The following SLC7A10 variants were observed in gnomAD, a reference collection of about 807,000 sequenced individuals.
SLC7A10 encodes solute carrier family 7 member 10.
In SLC7A10, 30 loss-of-function variants were observed where a neutral mutation model predicts 52.7. The observed-to-expected ratio is 0.57, with a 90% confidence interval of 0.43 to 0.77. SLC7A10 has a LOEUF of 0.77. SLC7A10 is among the 30% of genes least tolerant of loss of function. SLC7A10 has a pLI of 0.00. For synonymous variants in SLC7A10, 318 were observed against 314.9 expected (o/e 1.01, Z -0.10); for missense variants, 581 against 698.5 (o/e 0.83, Z 1.90).
intron 1 of SLC7A10, among the ~76,000 whole-genome samples, chr19:33,217,245 T>C (rs1974707306): frequency 6.6e-6 from 1 of 150,526 alleles, no homozygotes; most frequent in African/African-American, 2.4e-5. Context: ...ACTCCTGGGC[T>C]CAATTGACCA....
At chr19:33,218,088 G>A (rs898380205) in intron 1 of SLC7A10, among the ~76,000 whole-genome samples, 14 of 152,166 alleles carry the variant, frequency 9.2e-5, no homozygotes, top group Non-Finnish European at 1.9e-4. Flanking sequence ...GGAAGCCAGC[G>A]GGGGCTGGGT....
chr19:33,210,984 C>T lies in SLC7A10; in HGVS notation c.1017-86G>A, dbSNP rs765875449. 3.8e-6 allele frequency: 5 copies of T among 1,329,070 alleles called. No individual in the cohort carries two copies. The South Asian group carries it at 6.0e-5, about 16-fold the overall frequency. The allele number at this position is 1,329,070 out of a possible 1,614,324, so 82.3% of individuals were successfully genotyped here. On this transcript the variant is annotated intron_variant, in intron 7 of 10. Transcript: ENST00000253188. This position sits in a 1 kb window ranked among gnomAD's most constrained non-coding sequence, Gnocchi z 5.6. ...GTCCCTCTTAAGCTGTCGCCTCTGA[C>T]CTCCTGCTCCGGGCCCAGCAGCCCC...
chr19:33,217,379 G>A (rs1974710956), intron 1 of SLC7A10, among the ~76,000 whole-genome samples: 1 of 152,198 alleles, frequency 6.6e-6, no homozygotes, highest in African/African-American at 2.4e-5. Context: ...TAGGTTCCCA[G>A]GATGAGCAAG....
chr19:33,209,211 G>A, intron 10 of SLC7A10, 97 bp downstream of exon 10: 1 of 1,557,918 alleles, frequency 6.4e-7, no homozygotes, highest in Non-Finnish European at 8.8e-7. Flanking sequence ...CACCTCAGCT[G>A]CTAGGACACC....
chr19:33,224,003 G>A (rs1248240447), intron 1 of SLC7A10, among the ~76,000 whole-genome samples: 1 of 149,178 alleles, frequency 6.7e-6, no homozygotes, highest in African/African-American at 2.5e-5. Context: ...GCCCCTTTCT[G>A]GGGAGAAAGG....
chr19:33,216,589 C>T (rs1035179705), intron 1 of SLC7A10, among the ~76,000 whole-genome samples: 1 of 152,134 alleles, frequency 6.6e-6, no homozygotes, highest in African/African-American at 2.4e-5. Context: ...CTTCCTACTT[C>T]AATTTCCTTT....
chr19:33,212,242 C>T (rs1171633820), intron 5 of SLC7A10, 50 bp downstream of exon 5: 1 of 1,563,192 alleles, frequency 6.4e-7, no homozygotes. Context: ...CTGCCTGTCC[C>T]ACCAGAGGGC....
chr19:33,223,309 G>GAAAAAAAAAAAAA (rs59600246), intron 1 of SLC7A10, among the ~76,000 whole-genome samples: 2 of 117,292 alleles, frequency 1.7e-5, no homozygotes, highest in Non-Finnish European at 3.6e-5. Context: ...CTCTGTCTCA[G>GAAAAAAAAAAAAA]AAAAAAAAAA....
At chr19:33,209,079 G>A in intron 10 of SLC7A10, 58 bp from the exon 11 acceptor site, 1 of 1,608,634 alleles carries the variant, frequency 6.2e-7, no homozygotes, top group Non-Finnish European at 8.5e-7. Context: ...GTGACCCCCA[G>A]CTCCGGACAC....
Position 33,225,757 on chromosome 19 carries a change from C to A in SLC7A10, c.-54G>T. On this transcript the variant is annotated 5_prime_UTR_variant, in exon 1 of 11. Transcript: ENST00000253188. Reference sequence around the variant, plus strand: ...TGCGCTGCCCCGTCTGTCCGGCCGGCCGCCCGTCGGTCCGTCGGTCCGTGA... The same window carrying A: ...TGCGCTGCCCCGTCTGTCCGGCCGGACGCCCGTCGGTCCGTCGGTCCGTGA... 1 of 1,448,926 alleles carries A rather than the reference C, an allele frequency of 6.9e-7. No individual in the cohort carries two copies. The highest frequency in any genetic ancestry group is 9.0e-7 in the Non-Finnish European group (1 of 1,107,412). The allele number at this position is 1,448,926 out of a possible 1,614,324, so 89.8% of individuals were successfully genotyped here. A position where few individuals can be genotyped will look rare whatever the true frequency, so the allele number is the denominator to read the frequency against.
In SLC7A10 at chr19:33,212,887, T is replaced by C; in HGVS notation, c.472A>G (p.Thr158Ala). The change falls in exon 3 of 11, where the codon ACC becomes GCC. Residue 158 changes from threonine (T) to alanine (A), a missense_variant. By Grantham distance (58) the Thr-to-Ala change is moderately conservative (BLOSUM62 0). Coordinates refer to ENST00000253188, the MANE Select transcript of SLC7A10 (RefSeq NM_019849.3). ...ATGGACAGCACCCGGGAGGCTGTGGTGGGGGGGATGCAGTTGGGGAACACG... is the reference window on the plus strand; with the variant it reads ...ATGGACAGCACCCGGGAGGCTGTGGCGGGGGGGATGCAGTTGGGGAACACG... Reference protein sequence around the residue: ...QPVFPNCIPPTTASRVLSMAC... With the variant: ...QPVFPNCIPPATASRVLSMAC... The C allele has an allele frequency of 1.9e-6, 3 of 1,613,326 alleles. No homozygotes were observed. The highest frequency in any genetic ancestry group is 2.5e-6 in the Non-Finnish European group (3 of 1,179,792).
In SLC7A10 at chr19:33,209,371, C is replaced by T. The variant is rs369452097; in HGVS notation, c.1378G>A (p.Val460Met). The change falls in exon 10 of 11, where the codon GTG becomes ATG. Residue 460 changes from valine (V) to methionine (M), a missense_variant. Val to Met is a conservative substitution (Grantham distance 21). Coordinates refer to ENST00000253188, the MANE Select transcript of SLC7A10 (RefSeq NM_019849.3). Reference sequence around the variant, plus strand: ...AACACTCCCAGAAAGAAAATGGGCACCCCCGTAAGGATGATGATGACGCCG... The same window carrying T: ...AACACTCCCAGAAAGAAAATGGGCATCCCCGTAAGGATGATGATGACGCCG... ...GVGVIIILTG[V>M]PIFFLGVFWR... The T allele has an allele frequency of 1.2e-5, 20 of 1,613,892 alleles. No homozygotes were observed. The highest frequency in any genetic ancestry group is 1.5e-5 in the Non-Finnish European group (18 of 1,180,010).
rs753642068 is a variant in SLC7A10, at chr19:33,210,475, GC to G, written c.1254del (p.Arg418SerfsTer5). 6.3e-7 allele frequency: 1 copy of G among 1,595,064 alleles called. No homozygotes were observed. The highest frequency in any genetic ancestry group is 8.5e-7 in the Non-Finnish European group (1 of 1,175,548). On this transcript the variant is annotated frameshift_variant, in exon 9 of 11. Coordinates refer to ENST00000253188, the MANE Select transcript of SLC7A10 (RefSeq NM_019849.3). LOFTEE classifies it high-confidence loss of function. The surrounding 1 kb of genome is among the most constrained non-coding windows in gnomAD (Gnocchi z 5.6). Reference sequence around the variant, plus strand: ...CTGTCCCAGGGCCTCACCTTGATGGGCCTGTGGAGTGCAGGCCGCCTCCAGC... The same window carrying G: ...CTGTCCCAGGGCCTCACCTTGATGGGCTGTGGAGTGCAGGCCGCCTCCAGC... Reference protein sequence around the residue: ...LLRWRRPALHRPIKVNLLIPV... With the variant: ...LLRWRRPALHXPIKVNLLIPV...
Position 33,208,983 on chromosome 19 carries a change from C to T in SLC7A10, c.1480G>A (p.Val494Ile), listed in dbSNP as rs1363844062. Residue 494 changes from valine to isoleucine, a missense_variant, in exon 11 of 11, where the codon GTC becomes ATC. Transcript: ENST00000253188. The surrounding 1 kb of genome is among the most constrained non-coding windows in gnomAD (Gnocchi z 4.7). ...THWGQELCFV[V>I]YPQDAPEEEE... Reference sequence around the variant, plus strand: ...TCTTCGGGGGCGTCCTGGGGGTAGACCACGAAACACAGCTCCTGGCCCCAG... The same window carrying T: ...TCTTCGGGGGCGTCCTGGGGGTAGATCACGAAACACAGCTCCTGGCCCCAG... 4 of 1,613,770 alleles carry T rather than the reference C, an allele frequency of 2.5e-6. No individual in the cohort carries two copies. The South Asian group carries it at 3.3e-5, about 13-fold the overall frequency.
Position 33,210,796 on chromosome 19 carries a change from A to C in SLC7A10, c.1113+6T>G. 1 of 1,613,306 alleles carries C rather than the reference A, an allele frequency of 6.2e-7. No individual in the cohort carries two copies. The highest frequency in any genetic ancestry group is 8.5e-7 in the Non-Finnish European group (1 of 1,179,946). On this transcript the variant is annotated splice_donor_region_variant and intron_variant, in intron 8 of 10. Coordinates refer to ENST00000253188, the MANE Select transcript of SLC7A10 (RefSeq NM_019849.3). This position sits in a 1 kb window ranked among gnomAD's most constrained non-coding sequence, Gnocchi z 5.6. ...CGCCCTGCCTGGCCCAGGTCCCCCA[A>C]CTTACACAGACGAGGAGGGCGGGGA...
At chr19:33,224,017 C>T (rs1459967420) in intron 1 of SLC7A10, among the ~76,000 whole-genome samples, 2 of 150,770 alleles carry the variant, frequency 1.3e-5, no homozygotes, top group Non-Finnish European at 3.0e-5. Context: ...AGAAAGGAGC[C>T]AGGCAGCCTC....
intron 1 of SLC7A10, among the ~76,000 whole-genome samples, chr19:33,224,625 G>C (rs572028680): frequency 1.3e-5 from 2 of 152,066 alleles, no homozygotes. Context: ...GAGAACAGTC[G>C]AGGCCCCAGT....
intron 1 of SLC7A10, among the ~76,000 whole-genome samples, chr19:33,224,406 G>A (rs1177802760): frequency 6.6e-6 from 1 of 152,174 alleles, no homozygotes; most frequent in East Asian, 1.9e-4. Flanking sequence ...AGATGGCGGA[G>A]TGACCTGGCC....
chr19:33,211,583 C>T (rs1178471323), intron 5 of SLC7A10, 46 bp from the exon 6 acceptor site: 2 of 1,612,620 alleles, frequency 1.2e-6, no homozygotes, highest in South Asian at 1.1e-5. Flanking sequence ...CCTGAGGGTG[C>T]AGGACCCCCG....
Sources: allele counts gnomAD v4.1 joint callset (sites outside exome capture counted in the v4.1 genomes callset), GRCh38; gene constraint gnomAD v4.1.1; non-coding constraint Gnocchi (gnomAD v3.1); transcripts MANE v1.5; gene names NCBI Gene and HGNC (gene_info 2026-07-23, HGNC 2026-07-21).